Variants in CDC25A observed in about 807,000 individuals in gnomAD.
CDC25A encodes cell division cycle 25A.
In CDC25A, 17 loss-of-function variants were observed where a neutral mutation model predicts 64.6. The ratio of observed to expected loss-of-function variants is 0.26; its 90% CI spans 0.18 to 0.39. The LOEUF is 0.39. CDC25A is among the 10% of genes least tolerant of loss of function. The pLI, the probability that CDC25A is intolerant of heterozygous loss-of-function variation, is 1.00. For synonymous variants in CDC25A, 229 were observed against 238.6 expected (o/e 0.96, Z 0.37); for missense variants, 473 against 654.8 (o/e 0.72, Z 3.03).
At chr3:48,181,336 CATA>C (rs1176599134) in intron 5 of CDC25A, among the ~76,000 whole-genome samples, 3 of 151,114 alleles carry the variant, frequency 2.0e-5, no homozygotes, top group South Asian at 4.2e-4. Context: ...TTCTTACAAG[CATA>C]ATGTTTTTTA....
chr3:48,160,883 G>A (rs1225069758), intron 13 of CDC25A, among the ~76,000 whole-genome samples: 2 of 152,000 alleles, frequency 1.3e-5, no homozygotes, highest in Non-Finnish European at 2.9e-5. Context: ...GGCTGGGCGC[G>A]GTGGCTCACA....
chr3:48,180,168 C>CT (rs1225325443), intron 6 of CDC25A, among the ~76,000 whole-genome samples: 1 of 152,168 alleles, frequency 6.6e-6, no homozygotes, highest in African/African-American at 2.4e-5. Context: ...ATCCTCCTGT[C>CT]TCAGTTTTCC....
intron 9 of CDC25A, among the ~76,000 whole-genome samples, chr3:48,172,937 G>A (rs1351888412): frequency 6.6e-6 from 1 of 151,982 alleles, no homozygotes; most frequent in Non-Finnish European, 1.5e-5. Context: ...TAGACAGACA[G>A]GGCTGGGCGC....
intron 1 of CDC25A, among the ~76,000 whole-genome samples, 198 bp downstream of exon 1, chr3:48,187,580 G>A (rs928422473): frequency 1.3e-5 from 2 of 152,262 alleles, no homozygotes; most frequent in Admixed American, 1.3e-4. Context: ...TCTTCCCCTG[G>A]AAGGTCCCGA....
intron 9 of CDC25A, among the ~76,000 whole-genome samples, chr3:48,172,845 CAG>C (rs1430265688): frequency 6.6e-6 from 1 of 152,078 alleles, no homozygotes; most frequent in Non-Finnish European, 1.5e-5. Flanking sequence ...GCCTGGGTGA[CAG>C]AGAGACCCTG....
At position 48,187,902 on chromosome 3, in the gene CDC25A, C is replaced by G. The variant is rs775789345; in HGVS notation, c.46G>C (p.Ala16Pro). The G allele has an allele frequency of 5.2e-6, 8 of 1,542,468 alleles. No individual in the cohort carries two copies. The highest frequency in any genetic ancestry group is 6.1e-6 in the Non-Finnish European group (7 of 1,144,596). ...TGCGACGCGGGAGGGGGGCTGCAGG[C>G]GAAGAGCAGGCGGCGGCGGTGCGGG... ...EPPHRRRLLF[A>P]CSPPPASQPV... The change falls in exon 1 of 15, where the codon GCC (alanine) becomes CCC (proline). Residue 16 changes from alanine to proline, a missense_variant. Ala to Pro is a conservative substitution (Grantham distance 27). Around this residue, in one of 2 missense-constraint regions of CDC25A, gnomAD observed 376 missense variants for 431.9 expected, o/e 0.87. Coordinates refer to ENST00000302506, the MANE Select transcript of CDC25A (RefSeq NM_001789.3).
At chr3:48,172,675 G>C (rs543214933) in intron 9 of CDC25A, among the ~76,000 whole-genome samples, 6 of 152,292 alleles carry the variant, frequency 3.9e-5, no homozygotes, top group African/African-American at 1.2e-4. Flanking sequence ...ACCAGCCTGC[G>C]CAACATGGCG....
chr3:48,186,206 T>C (rs2032837128), intron 2 of CDC25A, among the ~76,000 whole-genome samples: 1 of 152,150 alleles, frequency 6.6e-6, no homozygotes, highest in Admixed American at 6.6e-5. Flanking sequence ...ACACACCACC[T>C]CCTTATAGAC....
intron 9 of CDC25A, among the ~76,000 whole-genome samples, chr3:48,170,051 G>C (rs895353513): frequency 1.3e-5 from 2 of 151,866 alleles, no homozygotes; most frequent in South Asian, 4.2e-4. Flanking sequence ...ATTTAGCCCT[G>C]TATGATATGT....
chr3:48,172,322 A>G (rs777627193), intron 9 of CDC25A, among the ~76,000 whole-genome samples: 1 of 152,262 alleles, frequency 6.6e-6, no homozygotes, highest in Non-Finnish European at 1.5e-5. Context: ...CCTAAATGCT[A>G]AATGTTTTCC....
rs554914209 is a variant in CDC25A at position 48,173,173 on chromosome 3, G to A, written c.930+1111C>T. ...GCAGAGCTTGCAGTGAGCTGAGATC[G>A]CGCCACTGCACTCCAGCCTGGGCGA... On this transcript the variant is annotated intron_variant, in intron 9 of 14. Transcript: ENST00000302506. Among the ~76,000 whole-genome samples the A allele has an allele frequency of 3.7e-5, 5 of 135,206 alleles. No individual in the cohort carries two copies. In the South Asian group the frequency reaches 1.2e-3, roughly 32 times the overall value. The allele number at this position is 135,206 out of a possible 152,430, so 88.7% of individuals were successfully genotyped here.
chr3:48,180,680 C>A (rs373023348), intron 6 of CDC25A, 41 bp downstream of exon 6: 2 of 1,607,742 alleles, frequency 1.2e-6, no homozygotes, highest in Non-Finnish European at 1.7e-6. Context: ...TTAATCCTTT[C>A]TTCCTGTCAG....
chr3:48,168,360 CCACACACACACACACACACACACACA>C lies in CDC25A; in HGVS notation c.931-442_931-417del, dbSNP rs58104019. ...ACCAGATCAAAGAGCAAGACCCTGT[CCACACACACACACACACACACACACA>C]CACACACACACACACACACACAAGC... On this transcript the variant is annotated intron_variant, in intron 9 of 14. Transcript: ENST00000302506. Among the ~76,000 whole-genome samples, 645 of 106,604 alleles carry C rather than the reference CCACACACACACACACACACACACACA, an allele frequency of 6.1e-3. 4 individuals are homozygous for C. Among genetic ancestry groups the C allele is most frequent in the African/African-American group, 0.021 (560 of 26,108 alleles). The allele number at this position is 106,604 out of a possible 152,430, so 69.9% of individuals were successfully genotyped here.
chr3:48,182,173 T>C (rs901810342), intron 5 of CDC25A, among the ~76,000 whole-genome samples: 10 of 152,214 alleles, frequency 6.6e-5, no homozygotes, highest in African/African-American at 2.4e-4. Flanking sequence ...TTCTTTCTCA[T>C]GACACTTCCC....
intron 9 of CDC25A, among the ~76,000 whole-genome samples, chr3:48,171,286 C>CT (rs1211102870): frequency 6.6e-6 from 1 of 151,764 alleles, no homozygotes; most frequent in African/African-American, 2.4e-5. Flanking sequence ...GAGGCAGAGA[C>CT]TTGCTTGAAC....
intron 5 of CDC25A, chr3:48,181,428 T>C: frequency 1.7e-6 from 1 of 602,586 alleles, no homozygotes. Context: ...TGCCCTAAAA[T>C]ATTCACTTAA....
At chr3:48,180,259 T>C (rs944389136) in intron 6 of CDC25A, 2 of 152,794 alleles carry the variant, frequency 1.3e-5, no homozygotes, top group African/African-American at 4.8e-5. Flanking sequence ...AGAAGTCAAG[T>C]GCTCTCTCTC....
At chr3:48,186,150 G>T (rs1187253919) in intron 2 of CDC25A, among the ~76,000 whole-genome samples, 2 of 152,200 alleles carry the variant, frequency 1.3e-5, no homozygotes, top group East Asian at 3.8e-4. Flanking sequence ...GCCACTTACA[G>T]TGGTATGGTG....
rs376316815 is a variant in CDC25A, at chr3:48,176,967, G to A, written c.756+404C>T. Among the ~76,000 whole-genome samples, 79 of 150,228 alleles carry A rather than the reference G, an allele frequency of 5.3e-4. No individual in the cohort carries two copies. In the South Asian group the frequency reaches 8.8e-3, roughly 17 times the overall value. On this transcript the variant is annotated intron_variant, in intron 8 of 14. Coordinates refer to ENST00000302506, the MANE Select transcript of CDC25A (RefSeq NM_001789.3). The stretch of plus-strand genomic sequence containing the variant: ...GAATGGGCAACAAGAGCGAGACTCC[G>A]TCTCAAAAAAAAAAACAAAAAACAC...
Sources: allele counts gnomAD v4.1 joint callset (sites outside exome capture counted in the v4.1 genomes callset), GRCh38; gene constraint gnomAD v4.1.1; regional missense constraint gnomAD v4.1.1; transcripts MANE v1.5; gene names NCBI Gene and HGNC (gene_info 2026-07-23, HGNC 2026-07-21).